KIAA0586: variants seen among roughly 807,000 people sequenced by gnomAD.
KIAA0586 encodes the protein protein TALPID3.
KIAA0586 carries 144 observed loss-of-function variants against 169.8 expected under a neutral mutation model. The ratio of observed to expected loss-of-function variants is 0.85; its 90% CI spans 0.74 to 0.97. The LOEUF (loss-of-function observed/expected upper bound fraction) is 0.97, where lower values mean the gene tolerates loss of function less well. Ranked by LOEUF, KIAA0586 falls within the 50% of genes least tolerant of loss-of-function variation. KIAA0586 has a pLI of 0.00. For synonymous variants in KIAA0586, 625 were observed against 612.4 expected, an observed-to-expected ratio of 1.02 and a Z score of -0.30; for missense variants, 1,854 against 1,823.0, an observed-to-expected ratio of 1.02 and a Z score of -0.31.
At chr14:58,538,839 G>A (rs1052244238) in intron 29 of KIAA0586, among the ~76,000 whole-genome samples, 1 of 151,956 alleles carries the variant, frequency 6.6e-6, no homozygotes, top group Admixed American at 6.6e-5. Context: ...GTAGGCAGTG[G>A]CACCATCTTG....
intron 3 of KIAA0586, among the ~76,000 whole-genome samples, chr14:58,431,464 A>T (rs2037366561): frequency 6.6e-6 from 1 of 151,950 alleles, no homozygotes; most frequent in Non-Finnish European, 1.5e-5. Context: ...ACAGGGTTTC[A>T]CCATCTTGAC....
intron 21 of KIAA0586, 138 bp from the exon 22 acceptor site, chr14:58,486,869 T>TAG (rs1466866003): frequency 1.8e-6 from 1 of 559,090 alleles, no homozygotes; most frequent in Non-Finnish European, 2.9e-6. Flanking sequence ...GACTAACAGG[T>TAG]AGAGGTTCAA....
chr14:58,512,394 A>T, intron 28 of KIAA0586, 128 bp from the exon 29 acceptor site: 1 of 548,938 alleles, frequency 1.8e-6, no homozygotes, highest in Non-Finnish European at 3.2e-6. Context: ...ATAAATAAAA[A>T]GCAATAAAAA....
At position 58,427,720 on chromosome 14, in the gene KIAA0586, C is replaced by G; in HGVS notation, c.-545C>G. On this transcript the variant is annotated 5_prime_UTR_variant, in exon 1 of 31. Coordinates refer to ENST00000652326, the MANE Select transcript of KIAA0586 (RefSeq NM_001329943.3). Reference sequence around the variant, plus strand: ...GGTGTTGACCTGCGGGCAACTGACGCTGTTGTCAGATTACACCCACGACGG... The same window carrying G: ...GGTGTTGACCTGCGGGCAACTGACGGTGTTGTCAGATTACACCCACGACGG... 1 of 1,534,790 alleles carries G rather than the reference C, an allele frequency of 6.5e-7. No homozygotes were observed. The highest frequency in any genetic ancestry group is 8.7e-7 in the Non-Finnish European group (1 of 1,146,762).
At chr14:58,453,044 A>G (rs2039530432) in intron 8 of KIAA0586, among the ~76,000 whole-genome samples, 1 of 151,840 alleles carries the variant, frequency 6.6e-6, no homozygotes, top group Non-Finnish European at 1.5e-5. Context: ...CAGCCTCCCA[A>G]GCAGCTGAGA....
chr14:58,520,104 C>T (rs2139858316), intron 29 of KIAA0586, among the ~76,000 whole-genome samples: 1 of 152,202 alleles, frequency 6.6e-6, no homozygotes, highest in East Asian at 1.9e-4. Flanking sequence ...AAAATTAAAT[C>T]AGCTTAGATA....
intron 29 of KIAA0586, among the ~76,000 whole-genome samples, chr14:58,528,019 A>G (rs1040542697): frequency 2.0e-5 from 3 of 152,232 alleles, no homozygotes; most frequent in African/African-American, 7.2e-5. Flanking sequence ...AATGTTTACC[A>G]TGCAAATGGA....
chr14:58,474,857 A>G (rs2041487872), intron 19 of KIAA0586, 60 bp downstream of exon 19: 1 of 1,209,098 alleles, frequency 8.3e-7, no homozygotes, highest in Non-Finnish European at 1.1e-6. Flanking sequence ...AATGGAAAGT[A>G]TTAAAATGTG....
At chr14:58,546,752 C>T (rs1443975844) in intron 30 of KIAA0586, among the ~76,000 whole-genome samples, 1 of 152,106 alleles carries the variant, frequency 6.6e-6, no homozygotes, top group Non-Finnish European at 1.5e-5. Flanking sequence ...AATTATTTAT[C>T]CCAAACTGCC....
the KIAA0586 span, among the ~76,000 whole-genome samples, chr14:58,557,532 C>G: frequency 6.6e-6 from 1 of 152,162 alleles, no homozygotes; most frequent in East Asian, 1.9e-4. Context: ...TGCTGCACCC[C>G]GCCGGTGTAG....
intron 20 of KIAA0586, among the ~76,000 whole-genome samples, chr14:58,477,619 T>A (rs1293795260): frequency 6.6e-6 from 1 of 152,208 alleles, no homozygotes; most frequent in Non-Finnish European, 1.5e-5. Flanking sequence ...AGTCCTTGCC[T>A]GATACCCAAC....
At chr14:58,545,841 C>T (rs555014198) in intron 30 of KIAA0586, among the ~76,000 whole-genome samples, 3 of 151,734 alleles carry the variant, frequency 2.0e-5, no homozygotes, top group Admixed American at 6.6e-5. Context: ...AGACCAGCCC[C>T]GGCATCATAG....
intron 27 of KIAA0586, among the ~76,000 whole-genome samples, chr14:58,507,377 A>G (rs2044070591): frequency 6.8e-6 from 1 of 147,494 alleles, no homozygotes; most frequent in Non-Finnish European, 1.5e-5. Context: ...TATATGAATT[A>G]TATATATGAT....
At chr14:58,465,788 A>G (rs765042974) in intron 14 of KIAA0586, 47 bp from the exon 15 acceptor site, 3 of 1,186,478 alleles carry the variant, frequency 2.5e-6, no homozygotes, top group Admixed American at 2.2e-5. Context: ...TGGATAGTAG[A>G]TATTCTAACA....
intron 27 of KIAA0586, 60 bp downstream of exon 27, chr14:58,499,020 G>A (rs753794678): frequency 2.0e-5 from 28 of 1,403,002 alleles, no homozygotes; most frequent in African/African-American, 2.9e-5. Flanking sequence ...CTGAGTTGAG[G>A]AAAGTATACC....
chr14:58,458,016 C>A, intron 11 of KIAA0586, 37 bp downstream of exon 11: 1 of 1,310,736 alleles, frequency 7.6e-7, no homozygotes, highest in Non-Finnish European at 1.1e-6. Flanking sequence ...ATTTATGAGT[C>A]TGTCAGTTCC....
At chr14:58,459,816 A>G (rs2040181715) in intron 12 of KIAA0586, 27 bp from the exon 13 acceptor site, 2 of 1,237,910 alleles carry the variant, frequency 1.6e-6, no homozygotes, top group Non-Finnish European at 1.1e-6. Flanking sequence ...AGACATTTTA[A>G]GTAATTTTAA....
At chr14:58,479,405 T>C (rs555117799) in intron 20 of KIAA0586, among the ~76,000 whole-genome samples, 1 of 152,360 alleles carries the variant, frequency 6.6e-6, no homozygotes, top group East Asian at 1.9e-4. Context: ...GTTTTTTATC[T>C]ATTCTGGATA....
At chr14:58,560,536 G>T in the KIAA0586 span, among the ~76,000 whole-genome samples, 6 of 152,278 alleles carry the variant, frequency 3.9e-5, no homozygotes, top group Non-Finnish European at 7.4e-5. Context: ...TAAATGCGAG[G>T]TGTCCTGTGA....
Sources: gnomAD v4.1 joint callset for allele counts (sites outside exome capture counted in the v4.1 genomes callset) on GRCh38, gnomAD v4.1.1 for gene constraint, MANE v1.5 for transcripts, NCBI Gene and HGNC (gene_info 2026-07-23, HGNC 2026-07-21) for gene names.